The following TIMM21 variants were observed in gnomAD, a reference collection of about 807,000 sequenced individuals.
TIMM21 encodes mitochondrial import inner membrane translocase subunit Tim21.
In TIMM21, 30 loss-of-function variants were observed where a neutral mutation model predicts 27.7. The observed-to-expected ratio is 1.08, with a 90% confidence interval of 0.81 to 1.47. The LOEUF (loss-of-function observed/expected upper bound fraction) is 1.47. Ranked by LOEUF, TIMM21 falls within the 40% of genes most tolerant of loss-of-function variation. The probability of loss-of-function intolerance (pLI) is 0.00; values close to 1 mark genes in which losing one functional copy is unlikely to be tolerated. For missense variants in TIMM21, 292 were observed against 302.9 expected (o/e 0.96, Z 0.27); for synonymous variants, 121 against 114.4 (o/e 1.06, Z -0.37).
rs1169170099 is a variant in TIMM21 at position 74,148,802 on chromosome 18, C to T, written c.-7C>T. ...ATCGTCCCTAAGCGGAACGATTTTC[C>T]GTGAACATGATTTGTACTTTTCTAC... On this transcript the variant is annotated 5_prime_UTR_variant, in exon 1 of 6. Coordinates refer to ENST00000169551, the MANE Select transcript of TIMM21 (RefSeq NM_014177.3). The T allele has an allele frequency of 1.9e-6, 3 of 1,599,056 alleles. No individual in the cohort carries two copies. The highest frequency in any genetic ancestry group is 2.2e-5 in the South Asian group (2 of 90,740).
Position 74,159,635 on chromosome 18 carries a change from T to C in TIMM21, c.*1155T>C, listed in dbSNP as rs987314434. The stretch of plus-strand genomic sequence containing the variant: ...ACTGCTTGTTTTAGATGTTTTTAAT[T>C]ATAAAAATTTCCAACATTTAAGGAG... On this transcript the variant is annotated 3_prime_UTR_variant, in exon 6 of 6. Coordinates refer to ENST00000169551, the MANE Select transcript of TIMM21 (RefSeq NM_014177.3). 1.3e-5 allele frequency: 2 copies of C among 152,236 alleles called. No homozygotes were observed. The highest frequency in any genetic ancestry group is 4.8e-5 in the African/African-American group (2 of 41,466). The allele number at this position is 152,236 out of a possible 1,614,324, so 9.4% of individuals were successfully genotyped here.
At position 74,159,679 on chromosome 18, in the gene TIMM21, C is replaced by G. The variant is rs1157990985; in HGVS notation, c.*1199C>G. 2.0e-5 allele frequency: 3 copies of G among 152,300 alleles called. No homozygotes were observed. Among genetic ancestry groups the G allele is most frequent in the Non-Finnish European group, 4.4e-5 (3 of 68,030 alleles). The allele number at this position is 152,300 out of a possible 1,614,324, so 9.4% of individuals were successfully genotyped here. A position where few individuals can be genotyped will look rare whatever the true frequency, so the allele number is the denominator to read the frequency against. On this transcript the variant is annotated 3_prime_UTR_variant, in exon 6 of 6. Transcript: ENST00000169551. ...TAAGGAGTATAGAAAATATAACAGA[C>G]ACTCGTCTCCCTGACGTAACACACT...
chr18:74,151,106 C>T (rs1979788954), intron 1 of TIMM21, among the ~76,000 whole-genome samples: 1 of 152,190 alleles, frequency 6.6e-6, no homozygotes, highest in Non-Finnish European at 1.5e-5. Context: ...GTCAGGGGGT[C>T]ATCATGACTC....
At chr18:74,155,277 C>G in intron 2 of TIMM21, 29 bp from the exon 3 acceptor site, 5 of 1,611,818 alleles carry the variant, frequency 3.1e-6, no homozygotes, top group Non-Finnish European at 4.2e-6. Context: ...GCCCTTGCTT[C>G]GCTTCATCTT....
chr18:74,160,443 GTGTAAC>G lies in TIMM21; in HGVS notation c.*1965_*1970del, dbSNP rs1980070645. 6.6e-6 allele frequency: 1 copy of G among 152,200 alleles called. No individual in the cohort carries two copies. The highest frequency in any genetic ancestry group is 6.5e-5 in the Admixed American group (1 of 15,282). The allele number at this position is 152,200 out of a possible 1,614,324, so 9.4% of individuals were successfully genotyped here. A position where few individuals can be genotyped will look rare whatever the true frequency, so the allele number is the denominator to read the frequency against. On this transcript the variant is annotated 3_prime_UTR_variant, in exon 6 of 6. Coordinates refer to ENST00000169551, the MANE Select transcript of TIMM21 (RefSeq NM_014177.3). Reference sequence around the variant, plus strand: ...CTGTATAGCCACAGGAAAATGTGATGTGTAACTCTCTAGATCTCTGTTTTCATTCCC... The same window carrying G: ...CTGTATAGCCACAGGAAAATGTGATGTCTCTAGATCTCTGTTTTCATTCCC...
intron 3 of TIMM21, chr18:74,157,010 G>A (rs948858898): frequency 9.2e-5 from 14 of 151,972 alleles, no homozygotes; most frequent in African/African-American, 3.4e-4. Flanking sequence ...TTTTTATCCT[G>A]GAAAATGTGA....
intron 3 of TIMM21, chr18:74,156,337 C>T (rs1248373159): frequency 1.3e-5 from 5 of 398,148 alleles, no homozygotes; most frequent in South Asian, 1.3e-4. Context: ...GTATAGAGCC[C>T]GGTGCTGATC....
chr18:74,151,567 C>T (rs917908615), intron 1 of TIMM21, among the ~76,000 whole-genome samples: 1 of 152,190 alleles, frequency 6.6e-6, no homozygotes, highest in African/African-American at 2.4e-5. Flanking sequence ...GGGCATCCTG[C>T]TCTATAAAGA....
At chr18:74,151,935 G>A (rs1391939174) in intron 1 of TIMM21, among the ~76,000 whole-genome samples, 4 of 98,096 alleles carry the variant, frequency 4.1e-5, no homozygotes, top group African/African-American at 6.0e-5. Context: ...TGGTGTCTAT[G>A]TTCCCCCCCC....
intron 1 of TIMM21, among the ~76,000 whole-genome samples, chr18:74,151,943 C>CCG (rs1555682307): frequency 1.4e-5 from 2 of 145,886 alleles, no homozygotes; most frequent in African/African-American, 2.7e-5. Context: ...ATGTTCCCCC[C>CCG]CCCCCCGGGG....
chr18:74,157,812 G>T (rs1979991901), intron 3 of TIMM21: 3 of 588,428 alleles, frequency 5.1e-6, no homozygotes, highest in Non-Finnish European at 5.9e-6. Flanking sequence ...GGCCAGGCTA[G>T]TCTTGAACTC....
At chr18:74,155,923 A>G (rs1451579740) in intron 3 of TIMM21, among the ~76,000 whole-genome samples, 1 of 152,102 alleles carries the variant, frequency 6.6e-6, no homozygotes, top group Admixed American at 6.5e-5. Context: ...AAGTGGGGGA[A>G]CCGGAACCCG....
At chr18:74,155,462 G>A (rs1246543628) in intron 3 of TIMM21, 59 bp downstream of exon 3, 4 of 1,390,828 alleles carry the variant, frequency 2.9e-6, no homozygotes, top group East Asian at 2.3e-5. Flanking sequence ...TGTCTGGGAG[G>A]AGGAAGTGGG....
At chr18:74,150,883 C>A (rs985945348) in intron 1 of TIMM21, among the ~76,000 whole-genome samples, 4 of 152,194 alleles carry the variant, frequency 2.6e-5, no homozygotes, top group African/African-American at 9.7e-5. Context: ...AATTTCCTAT[C>A]TTGGTCACCG....
chr18:74,156,455 T>G, intron 3 of TIMM21: 1 of 395,044 alleles, frequency 2.5e-6, no homozygotes, highest in Non-Finnish European at 4.5e-6. Flanking sequence ...ATCCACTGAT[T>G]TCTCTTCATT....
At position 74,148,985 on chromosome 18, in the gene TIMM21, A is replaced by T; in HGVS notation, c.177A>T (p.Gly59=). The change falls in exon 1 of 6, where the codon GGA becomes GGT. Residue 59 remains glycine, a synonymous_variant. Coordinates refer to ENST00000169551, the MANE Select transcript of TIMM21 (RefSeq NM_014177.3). ...CGCTGCGACCTAGATGTATTCTTGG[A>T]GTCACCCAGAAAACCATCTGGACGC... is the stretch of plus-strand genomic sequence containing the variant. ...KKTLRPRCIL[G]VTQKTIWTQG... is the part of the protein sequence containing the mutation. 1 of 1,614,188 alleles carries T rather than the reference A, an allele frequency of 6.2e-7. No homozygotes were observed. Among genetic ancestry groups the T allele is most frequent in the Non-Finnish European group, 8.5e-7 (1 of 1,180,034 alleles).
At position 74,158,769 on chromosome 18, in the gene TIMM21, T is replaced by C; in HGVS notation, c.*289T>C. On this transcript the variant is annotated 3_prime_UTR_variant, in exon 6 of 6. Coordinates refer to ENST00000169551, the MANE Select transcript of TIMM21 (RefSeq NM_014177.3). ...TATTGGAAATGTTACACCATGTAAATAAAGGAAATAGATTTTAGTATTGTA... is the reference window on the plus strand; with the variant it reads ...TATTGGAAATGTTACACCATGTAAACAAAGGAAATAGATTTTAGTATTGTA... 3.4e-6 allele frequency: 1 copy of C among 294,580 alleles called. No homozygotes were observed. The highest frequency in any genetic ancestry group is 6.4e-6 in the Non-Finnish European group (1 of 157,254). 18.2% of individuals were successfully genotyped at this position (294,580 alleles called of 1,614,324 possible).
intron 4 of TIMM21, 26 bp downstream of exon 4, chr18:74,158,113 G>C: frequency 6.2e-7 from 1 of 1,614,034 alleles, no homozygotes; most frequent in Non-Finnish European, 8.5e-7. Flanking sequence ...TTCAGAGGAG[G>C]CTCTGGGGAG....
intron 1 of TIMM21, among the ~76,000 whole-genome samples, chr18:74,149,499 G>C (rs1433422323): frequency 6.6e-6 from 1 of 151,974 alleles, no homozygotes; most frequent in Non-Finnish European, 1.5e-5. Context: ...AGGGAGGATG[G>C]AATGTAAGTT....
Sources: gnomAD v4.1 joint callset for allele counts (sites outside exome capture counted in the v4.1 genomes callset) on GRCh38, gnomAD v4.1.1 for gene constraint, MANE v1.5 for transcripts, NCBI Gene and HGNC (gene_info 2026-07-23, HGNC 2026-07-21) for gene names.